The following DSE variants were observed in gnomAD, a reference collection of about 807,000 sequenced individuals.
DSE encodes dermatan-sulfate epimerase.
A neutral mutation model predicts 84.4 loss-of-function variants in DSE; 36 were observed. The ratio of observed to expected loss-of-function variants is 0.43; its 90% CI spans 0.33 to 0.56. The LOEUF (loss-of-function observed/expected upper bound fraction) is 0.56, where lower values mean the gene tolerates loss of function less well. Ranked by LOEUF, DSE falls within the 20% of genes least tolerant of loss-of-function variation. DSE has a pLI of 0.06. For missense variants in DSE, 862 were observed against 1,169.6 expected (o/e 0.74, Z 3.84); for synonymous variants, 410 against 430.1 (o/e 0.95, Z 0.58).
chr6:116,291,535 T>C (rs1774279518), intron 2 of DSE, among the ~76,000 whole-genome samples: 1 of 151,388 alleles, frequency 6.6e-6, no homozygotes, highest in Non-Finnish European at 1.5e-5. Context: ...TGGAATCTGA[T>C]AGTTAAAGGC....
chr6:116,402,340 C>T (rs1332122724), intron 2 of DSE, among the ~76,000 whole-genome samples: 1 of 152,056 alleles, frequency 6.6e-6, no homozygotes, highest in Non-Finnish European at 1.5e-5. Context: ...CCTTTGAATC[C>T]CAGCTCCCTC....
At chr6:116,429,581 G>T (rs959937487) in intron 3 of DSE, among the ~76,000 whole-genome samples, 1 of 152,000 alleles carries the variant, frequency 6.6e-6, no homozygotes, top group African/African-American at 2.4e-5. Flanking sequence ...TTGGGGCAAT[G>T]ATACATAATT....
chr6:116,320,914 A>G (rs1346410194), intron 2 of DSE, among the ~76,000 whole-genome samples: 3 of 152,208 alleles, frequency 2.0e-5, no homozygotes, highest in African/African-American at 7.2e-5. Context: ...ATTTTAAGGA[A>G]TACACAACTG....
chr6:116,319,241 A>G (rs112157763), intron 2 of DSE, among the ~76,000 whole-genome samples: 29 of 152,342 alleles, frequency 1.9e-4, no homozygotes, highest in African/African-American at 6.7e-4. Flanking sequence ...TAGTCAGAGT[A>G]GATAGGTTAT....
At chr6:116,382,653 C>T (rs532954233) in intron 1 of DSE, among the ~76,000 whole-genome samples, 1 of 152,120 alleles carries the variant, frequency 6.6e-6, no homozygotes, top group East Asian at 1.9e-4. Flanking sequence ...GTATAGGTGA[C>T]AAAGGAAGAA....
chr6:116,342,569 G>A (rs1777675945), intron 2 of DSE, among the ~76,000 whole-genome samples: 1 of 152,102 alleles, frequency 6.6e-6, no homozygotes, highest in African/African-American at 2.4e-5. Context: ...ATGAGCCACC[G>A]CACCTGGCCT....
intron 2 of DSE, among the ~76,000 whole-genome samples, chr6:116,299,504 TTATA>T (rs71553739): frequency 9.6e-4 from 11 of 11,504 alleles, no homozygotes; most frequent in African/African-American, 1.8e-3. Flanking sequence ...TGAATTATTT[TTATA>T]TATATATATA....
chr6:116,290,145 A>G (rs1448893761), intron 2 of DSE, among the ~76,000 whole-genome samples: 1 of 152,088 alleles, frequency 6.6e-6, no homozygotes, highest in Non-Finnish European at 1.5e-5. Context: ...AACCCAGTTT[A>G]TTGGCTTCAA....
upstream of DSE, chr6:116,369,820 A>T: frequency 9.6e-7 from 1 of 1,042,682 alleles, no homozygotes; most frequent in Non-Finnish European, 1.3e-6. Context: ...TATTTGGCCA[A>T]ATAGAAGTGA....
In DSE at chr6:116,308,172, T is replaced by C. The variant is rs548644698; in HGVS notation, c.-54+49205T>C. ...TGGATTTATTTCTCCTGTTGACTAT[T>C]AGACAACCTGGTTGCTTCCACTTAC... is the stretch of plus-strand genomic sequence containing the variant. On this transcript the variant is annotated intron_variant, in intron 2 of 3. Transcript: ENST00000430252. Among the ~76,000 whole-genome samples, 4 of 152,368 alleles carry C rather than the reference T, an allele frequency of 2.6e-5. No homozygotes were observed. The South Asian group carries it at 8.3e-4, about 32-fold the overall frequency.
chr6:116,348,405 C>T (rs1032492376), intron 2 of DSE, among the ~76,000 whole-genome samples: 9 of 149,442 alleles, frequency 6.0e-5, no homozygotes, highest in African/African-American at 1.2e-4. Flanking sequence ...CTAGCCTGGG[C>T]GACAGAGTGA....
intron 1 of DSE, among the ~76,000 whole-genome samples, chr6:116,382,342 G>C (rs546116723): frequency 2.6e-5 from 4 of 152,232 alleles, no homozygotes; most frequent in African/African-American, 7.2e-5. Flanking sequence ...GGAATCTGTA[G>C]GTTTATATGA....
chr6:116,290,268 C>A (rs1024711725), intron 2 of DSE, among the ~76,000 whole-genome samples: 2 of 152,092 alleles, frequency 1.3e-5, no homozygotes, highest in Non-Finnish European at 2.9e-5. Context: ...TTTCTTGGAT[C>A]TGTATCATTA....
intron 2 of DSE, among the ~76,000 whole-genome samples, chr6:116,285,372 A>AT (rs754169922): frequency 2.0e-5 from 3 of 151,668 alleles, no homozygotes; most frequent in Non-Finnish European, 2.9e-5. Flanking sequence ...GGGTTGTTTG[A>AT]TTTTTTCTTG....
rs1784480004 is a variant in DSE at position 116,443,164 on chromosome 6, A to C, written c.*5819A>C. ...TAGAAGACAATTAGCTCCTTGAATA[A>C]GTCTGGAGAGGGAATGTTTAACTCC... On this transcript the variant is annotated 3_prime_UTR_variant, in exon 6 of 6. Transcript: ENST00000644252. 6.6e-6 allele frequency: 1 copy of C among 152,258 alleles called. No individual in the cohort carries two copies. Among genetic ancestry groups the C allele is most frequent in the African/African-American group, 2.4e-5 (1 of 41,462 alleles). The allele number at this position is 152,258 out of a possible 1,614,324, so 9.4% of individuals were successfully genotyped here.
chr6:116,415,642 T>G (rs1437058193), intron 2 of DSE, among the ~76,000 whole-genome samples: 1 of 151,734 alleles, frequency 6.6e-6, no homozygotes, highest in Non-Finnish European at 1.5e-5. Flanking sequence ...ATTTTCTTAC[T>G]TTTTTTGCAT....
At chr6:116,303,882 T>C (rs1355933203) in intron 2 of DSE, among the ~76,000 whole-genome samples, 1 of 152,030 alleles carries the variant, frequency 6.6e-6, no homozygotes, top group Non-Finnish European at 1.5e-5. Flanking sequence ...ATGCCTGTAA[T>C]CCCAGCACTT....
rs752062163 is a variant in DSE, at chr6:116,399,499, G to A, written c.249G>A (p.Leu83=). 5.6e-6 allele frequency: 9 copies of A among 1,614,040 alleles called. No individual in the cohort carries two copies. Among genetic ancestry groups the A allele is most frequent in the Admixed American group, 1.7e-5 (1 of 59,996 alleles). The change falls in exon 2 of 6, where the codon TTG becomes TTA. Residue 83 remains leucine, a synonymous_variant. Coordinates refer to ENST00000644252, the MANE Select transcript of DSE (RefSeq NM_013352.4). ...TGCACACGATGCTGTCCAGCCCCTT[G>A]GAATACCTCCCTCCCTGGGATCCCA... ...EAVHTMLSSP[L]EYLPPWDPKD...
chr6:116,299,207 G>T (rs946486750), intron 2 of DSE, among the ~76,000 whole-genome samples: 1 of 152,054 alleles, frequency 6.6e-6, no homozygotes, highest in African/African-American at 2.4e-5. Flanking sequence ...TTGCACAGTT[G>T]TGTCCACTCT....
Sources: allele counts gnomAD v4.1 joint callset (sites outside exome capture counted in the v4.1 genomes callset), GRCh38; gene constraint gnomAD v4.1.1; transcripts MANE v1.5; gene names NCBI Gene and HGNC (gene_info 2026-07-23, HGNC 2026-07-21).